The following STS variants were observed in gnomAD, a reference collection of about 807,000 sequenced individuals.
The protein encoded by STS is steroid sulfatase.
A neutral mutation model predicts 26.8 loss-of-function variants in STS; 7 were observed. The ratio of observed to expected loss-of-function variants is 0.26; its 90% confidence interval spans 0.15 to 0.49. The LOEUF (loss-of-function observed/expected upper bound fraction) is 0.49, where lower values mean the gene tolerates loss of function less well. Among genes scored for constraint, STS ranks in the 20% least tolerant of loss-of-function variants. STS has a pLI of 0.98. For missense variants in STS, 434 were observed against 465.6 expected (o/e 0.93, Z 0.63); for synonymous variants, 199 against 189.4 (o/e 1.05, Z -0.42).
At chrX:7,229,990 G>A (rs753959416) in intron 2 of STS, among the ~76,000 whole-genome samples, 2 of 110,675 alleles carry the variant, frequency 1.8e-5, no homozygotes, top group East Asian at 5.7e-4. Context: ...GAGATCCTCC[G>A]ACCTCAGCCT....
intron 3 of STS, among the ~76,000 whole-genome samples, chrX:7,254,469 T>C (rs1230930975): frequency 9.0e-6 from 1 of 110,755 alleles, no homozygotes; most frequent in Non-Finnish European, 1.9e-5. Flanking sequence ...AATAGTTCTA[T>C]GGAGAGCTTC....
At chrX:7,270,303 G>C (rs1011058635) in intron 6 of STS, among the ~76,000 whole-genome samples, 1 of 111,932 alleles carries the variant, frequency 8.9e-6, no homozygotes, top group Non-Finnish European at 1.9e-5. Context: ...TCGTAGAGAG[G>C]AAGAGAAACC....
At chrX:7,252,349 A>G in intron 2 of STS, 2 of 714,477 alleles carry the variant, frequency 2.8e-6, no homozygotes, top group Non-Finnish European at 3.3e-6. Context: ...TGAGTAAGTA[A>G]GACCTCAGGC....
chrX:7,319,933 A>G (rs1442688117), intron 8 of STS, among the ~76,000 whole-genome samples: 3 of 96,405 alleles, frequency 3.1e-5, no homozygotes, highest in Non-Finnish European at 6.0e-5. Context: ...TATTTTATAT[A>G]TATATATTTT....
At chrX:7,219,600 A>G (rs1174806093) in intron 2 of STS, 16 of 1,208,959 alleles carry the variant, frequency 1.3e-5, no homozygotes, top group Non-Finnish European at 1.8e-5. Flanking sequence ...GAAACCATGA[A>G]CAGAGGATGA....
intron 1 of STS, among the ~76,000 whole-genome samples, chrX:7,174,359 C>T (rs1357460316): frequency 3.6e-5 from 4 of 111,348 alleles, no homozygotes; most frequent in African/African-American, 1.3e-4. Context: ...ATTCAATCTC[C>T]TCGCCCTTTC....
chrX:7,311,624 G>A (rs1035621012), intron 8 of STS, among the ~76,000 whole-genome samples: 7 of 112,120 alleles, frequency 6.2e-5, no homozygotes, highest in Admixed American at 2.8e-4. Flanking sequence ...GAGATGGGAG[G>A]ATCACTTGAG....
chrX:7,196,330 C>T (rs763578632), intron 2 of STS, among the ~76,000 whole-genome samples: 5 of 111,743 alleles, frequency 4.5e-5, no homozygotes, highest in Non-Finnish European at 7.5e-5. Context: ...CTTCCAGTAC[C>T]ATGAAGGAGA....
At chrX:7,276,243 G>A (rs916054275) in intron 7 of STS, among the ~76,000 whole-genome samples, 156 bp downstream of exon 7, 10 of 110,450 alleles carry the variant, frequency 9.1e-5, no homozygotes, top group African/African-American at 3.0e-4. Context: ...GATCCTGAAA[G>A]GTAAATAGAA....
intron 2 of STS, among the ~76,000 whole-genome samples, chrX:7,214,337 C>T (rs371968573): frequency 7.4e-4 from 83 of 111,500 alleles, no homozygotes; most frequent in African/African-American, 2.7e-3. Context: ...AAAACCATTC[C>T]TCCAAAGCCT....
At chrX:7,155,860 G>A (rs1402563366) in intron 1 of STS, among the ~76,000 whole-genome samples, 3 of 111,867 alleles carry the variant, frequency 2.7e-5, no homozygotes, top group African/African-American at 6.5e-5. Flanking sequence ...TGCAATTTCC[G>A]AGAATCAGCC....
chrX:7,153,168 C>T (rs916051199), intron 1 of STS, among the ~76,000 whole-genome samples: 1 of 111,741 alleles, frequency 8.9e-6, no homozygotes, highest in East Asian at 2.8e-4. Flanking sequence ...TCTCATTGTT[C>T]TGAGATTTAG....
At chrX:7,342,584 A>T (rs1364209613) in intron 10 of STS, among the ~76,000 whole-genome samples, 2 of 112,363 alleles carry the variant, frequency 1.8e-5, no homozygotes, top group African/African-American at 6.5e-5. Context: ...CTGCTTCCTC[A>T]TCCTTCTCAC....
rs1367852121 is a variant in STS, at chrX:7,259,757, C to T, written c.791C>T (p.Ala264Val). 8.3e-7 allele frequency: 1 copy of T among 1,210,789 alleles called. No homozygotes were observed. The highest frequency in any genetic ancestry group is 3.0e-5 in the East Asian group (1 of 33,835). ...ACCCAGAGGCTAACGGTGGAGGCGG[C>T]CCAGTTCATACAGCGGTGGGTATTG... ...NLTQRLTVEA[A>V]QFIQRNTETP... The change falls in exon 6 of 11, where the codon GCC (alanine) becomes GTC (valine). Residue 264 changes from alanine (A) to valine (V), a missense_variant. Transcript: ENST00000674429.
chrX:7,272,121 G>T (rs1764479845), intron 6 of STS, among the ~76,000 whole-genome samples: 2 of 109,179 alleles, frequency 1.8e-5, no homozygotes, highest in South Asian at 8.0e-4. Flanking sequence ...AAACTTATTA[G>T]TATTTGTGAC....
chrX:7,211,422 T>G (rs2147038996), intron 2 of STS, among the ~76,000 whole-genome samples: 1 of 111,913 alleles, frequency 8.9e-6, no homozygotes, highest in East Asian at 2.8e-4. Context: ...ATTTTCTTAC[T>G]GCTGGAAGTC....
chrX:7,226,598 A>G (rs1921816049), intron 2 of STS, among the ~76,000 whole-genome samples: 1 of 111,925 alleles, frequency 8.9e-6, no homozygotes, highest in Non-Finnish European at 1.9e-5. Context: ...CAAGTGATAT[A>G]TAAGAGTTCT....
intron 2 of STS, among the ~76,000 whole-genome samples, chrX:7,250,995 A>C (rs1326970749): frequency 8.9e-6 from 1 of 112,537 alleles, no homozygotes; most frequent in Non-Finnish European, 1.9e-5. Context: ...TTTTGCACCA[A>C]GTTAGCCTAC....
chrX:7,290,542 G>C (rs1377683483), intron 7 of STS, among the ~76,000 whole-genome samples: 2 of 111,919 alleles, frequency 1.8e-5, no homozygotes, highest in Admixed American at 1.9e-4. Flanking sequence ...GTCTCAGCAA[G>C]CTCACAAAAT....
Sources: gnomAD v4.1 joint callset for allele counts (sites outside exome capture counted in the v4.1 genomes callset) on GRCh38, gnomAD v4.1.1 for gene constraint, MANE v1.5 for transcripts, NCBI Gene and HGNC (gene_info 2026-07-23, HGNC 2026-07-21) for gene names.